The following DZIP1 variants were observed in gnomAD, a reference collection of about 807,000 sequenced individuals.
The protein encoded by DZIP1 is DAZ interacting zinc finger protein 1.
A neutral mutation model predicts 107.6 loss-of-function variants in DZIP1; 97 were observed. The ratio of observed to expected loss-of-function variants is 0.90; its 90% CI spans 0.77 to 1.07. The LOEUF (loss-of-function observed/expected upper bound fraction) is 1.07. Ranked by LOEUF, DZIP1 falls within the 50% of genes least tolerant of loss-of-function variation. The pLI is 0.00. For missense variants in DZIP1, 1,035 were observed against 1,063.6 expected (o/e 0.97, Z 0.37); for synonymous variants, 390 against 386.4 (o/e 1.01, Z -0.11).
At chr13:95,631,834 C>T (rs1184362520) in intron 6 of DZIP1, among the ~76,000 whole-genome samples, 2 of 152,176 alleles carry the variant, frequency 1.3e-5, no homozygotes, top group African/African-American at 4.8e-5. Context: ...ACCACTCCCT[C>T]ATGATACTCA....
At position 95,644,164 on chromosome 13, in the gene DZIP1, C is replaced by T. The variant is rs536458601; in HGVS notation, c.-526+213G>A. On this transcript the variant is annotated intron_variant, in intron 1 of 22. Coordinates refer to ENST00000376829, the MANE Select transcript of DZIP1 (RefSeq NM_198968.4). ...TGGCACCGCCGGGCAGCCGAACCAG[C>T]AGACAAAAGCCGAGAGACGCGGGTT... 1.4e-4 allele frequency among the ~76,000 whole-genome samples: 22 copies of T among 152,344 alleles called. No homozygotes were observed. In the South Asian group the frequency reaches 4.6e-3, roughly 32 times the overall value.
intron 5 of DZIP1, among the ~76,000 whole-genome samples, chr13:95,635,948 G>GGGAAAGAGGGAA (rs922558532): frequency 1.3e-5 from 2 of 151,458 alleles, no homozygotes; most frequent in African/African-American, 4.9e-5. Context: ...GAGGTAGGGA[G>GGGAAAGAGGGAA]GGAAAGAGGG....
chr13:95,642,351 T>A, intron 3 of DZIP1, 110 bp from the exon 4 acceptor site: 1 of 315,540 alleles, frequency 3.2e-6, no homozygotes, highest in Non-Finnish European at 5.7e-6. Context: ...TCCCTGGCGT[T>A]TGGGGCTGGA....
intron 5 of DZIP1, among the ~76,000 whole-genome samples, chr13:95,638,922 AT>A (rs1169737468): frequency 7.2e-5 from 11 of 152,278 alleles, no homozygotes; most frequent in Admixed American, 3.9e-4. Context: ...TAGGCTTTGG[AT>A]TTTCTGTATA....
chr13:95,621,519 G>A (rs1875842626), intron 9 of DZIP1, among the ~76,000 whole-genome samples: 1 of 152,044 alleles, frequency 6.6e-6, no homozygotes, highest in Non-Finnish European at 1.5e-5. Context: ...AATGACCCAG[G>A]CTTTTAAAAA....
chr13:95,632,050 C>A (rs1877259826), intron 6 of DZIP1, among the ~76,000 whole-genome samples: 1 of 152,214 alleles, frequency 6.6e-6, no homozygotes, highest in Non-Finnish European at 1.5e-5. Context: ...CCCCAGGTTT[C>A]CCTCCAGCTT....
rs3051402 is a variant in DZIP1, at chr13:95,621,665, AGTGTGTGTGTGTGT to A, written c.1110+664_1110+677del. 1.4e-3 allele frequency among the ~76,000 whole-genome samples: 173 copies of A among 123,414 alleles called. 1 individual carries two copies. The highest frequency in any genetic ancestry group is 7.0e-3 in the South Asian group (21 of 3,000). The allele number at this position is 123,414 out of a possible 152,430, so 81.0% of individuals were successfully genotyped here. A position where few individuals can be genotyped will look rare whatever the true frequency, so the allele number is the denominator to read the frequency against. ...ACAGATCATCAGCTGACCAGTTAGCAGTGTGTGTGTGTGTGTGTGTGTGTGTGTGTGTGTGTGTG... is the reference window on the plus strand; with the variant it reads ...ACAGATCATCAGCTGACCAGTTAGCAGTGTGTGTGTGTGTGTGTGTGTGTG... On this transcript the variant is annotated intron_variant, in intron 9 of 22. Transcript: ENST00000376829.
In DZIP1 at chr13:95,582,323, G is replaced by T; in HGVS notation, c.2525-10C>A. 6.2e-7 allele frequency: 1 copy of T among 1,613,228 alleles called. No homozygotes were observed. Among genetic ancestry groups the T allele is most frequent in the African/African-American group, 1.3e-5 (1 of 75,014 alleles). On this transcript the variant is annotated splice_polypyrimidine_tract_variant and intron_variant, in intron 22 of 22. Transcript: ENST00000376829. ...TCATTTTCTTGAAGTCCTGTAAGTG[G>T]TGGGTAGAGGCAGAAGAGAAGGCCT...
At position 95,611,437 on chromosome 13, in the gene DZIP1, C is replaced by T; in HGVS notation, c.1363+8G>A. On this transcript the variant is annotated splice_region_variant and intron_variant, in intron 12 of 22. Transcript: ENST00000376829. The stretch of plus-strand genomic sequence containing the variant: ...CTTGCCGCCAGTACCGGGATCCCAT[C>T]CACTTACCTTTGGGTTCACTGATAC... The T allele has an allele frequency of 6.2e-7, 1 of 1,612,782 alleles. No individual in the cohort carries two copies. The highest frequency in any genetic ancestry group is 8.5e-7 in the Non-Finnish European group (1 of 1,178,924).
At position 95,643,680 on chromosome 13, in the gene DZIP1, A is replaced by G. The variant is rs1878785143; in HGVS notation, c.-507T>C. 1 of 152,690 alleles carries G rather than the reference A, an allele frequency of 6.5e-6. No homozygotes were observed. The highest frequency in any genetic ancestry group is 2.4e-5 in the African/African-American group (1 of 41,444). 9.5% of individuals were successfully genotyped at this position (152,690 alleles called of 1,614,324 possible). ...ACAAGAGCTGTGGTCTCTCTTGCTC[A>G]AGTATACGTCCCTAGAACCTAGCAG... On this transcript the variant is annotated 5_prime_UTR_variant, in exon 2 of 23. Coordinates refer to ENST00000376829, the MANE Select transcript of DZIP1 (RefSeq NM_198968.4).
intron 6 of DZIP1, chr13:95,630,898 A>G (rs1877116792): frequency 2.4e-6 from 1 of 417,708 alleles, no homozygotes; most frequent in African/African-American, 2.1e-5. Context: ...CAGAAGAGAA[A>G]GAAGGTCAGT....
chr13:95,612,324 G>T, intron 10 of DZIP1, 147 bp from the exon 11 acceptor site: 2 of 925,900 alleles, frequency 2.2e-6, no homozygotes, highest in South Asian at 1.8e-5. Flanking sequence ...TTTGATCATG[G>T]TATATCCTGG....
rs912491838 is a variant in DZIP1 at position 95,578,810 on chromosome 13, T to G, written c.*3424A>C. On this transcript the variant is annotated 3_prime_UTR_variant, in exon 23 of 23. Coordinates refer to ENST00000376829, the MANE Select transcript of DZIP1 (RefSeq NM_198968.4). Reference sequence around the variant, plus strand: ...ACTCATGTACATATTTAGCAAATTTTGGTTTCTTACATGTGCCTGTCATGA... The same window carrying G: ...ACTCATGTACATATTTAGCAAATTTGGGTTTCTTACATGTGCCTGTCATGA... The G allele has an allele frequency of 1.3e-5, 2 of 152,218 alleles. No homozygotes were observed. The highest frequency in any genetic ancestry group is 6.5e-5 in the Admixed American group (1 of 15,282). 9.4% of individuals were successfully genotyped at this position (152,218 alleles called of 1,614,324 possible). A position where few individuals can be genotyped will look rare whatever the true frequency, so the allele number is the denominator to read the frequency against.
intron 12 of DZIP1, among the ~76,000 whole-genome samples, chr13:95,610,101 T>TGAGA (rs1328298989): frequency 2.4e-5 from 3 of 125,508 alleles, no homozygotes; most frequent in African/African-American, 7.5e-5. Context: ...TGTGTGTGTG[T>TGAGA]GTGTGTGTGT....
In DZIP1 at chr13:95,586,139, A is replaced by G. The variant is rs778974996; in HGVS notation, c.2219-3T>C. ...AGTAGGTGTTTTAACGGCGACTCCTATAAGATCAATAAAAATTAGGCAAGT... is the reference window on the plus strand; with the variant it reads ...AGTAGGTGTTTTAACGGCGACTCCTGTAAGATCAATAAAAATTAGGCAAGT... On this transcript the variant is annotated splice_polypyrimidine_tract_variant and splice_region_variant and intron_variant, in intron 20 of 22. Transcript: ENST00000376829. The G allele has an allele frequency of 6.3e-6, 10 of 1,584,470 alleles. No homozygotes were observed. The highest frequency in any genetic ancestry group is 7.7e-6 in the Non-Finnish European group (9 of 1,171,238).
At chr13:95,587,491 A>G (rs762313730) in intron 20 of DZIP1, 48 bp downstream of exon 20, 10 of 1,591,722 alleles carry the variant, frequency 6.3e-6, no homozygotes, top group Non-Finnish European at 8.6e-6. Flanking sequence ...GGTGAGGACA[A>G]CTGTCCTAAA....
intron 16 of DZIP1, among the ~76,000 whole-genome samples, chr13:95,591,185 C>T (rs1019090193): frequency 1.3e-5 from 2 of 151,962 alleles, no homozygotes; most frequent in South Asian, 2.1e-4. Context: ...CCCGCCACCA[C>T]GCCCAGCTAA....
At chr13:95,594,195 G>T in intron 15 of DZIP1, 109 bp from the exon 16 acceptor site, 1 of 902,170 alleles carries the variant, frequency 1.1e-6, no homozygotes, top group Non-Finnish European at 1.6e-6. Context: ...GTAAGTATTT[G>T]TGATGTTTTA....
At chr13:95,622,309 G>A in intron 9 of DZIP1, 34 bp downstream of exon 9, 1 of 1,613,222 alleles carries the variant, frequency 6.2e-7, no homozygotes, top group South Asian at 1.1e-5. Flanking sequence ...AAAAAGGAAG[G>A]CATCCACTGC....
Sources: allele counts gnomAD v4.1 joint callset (sites outside exome capture counted in the v4.1 genomes callset), GRCh38; gene constraint gnomAD v4.1.1; transcripts MANE v1.5; gene names NCBI Gene and HGNC (gene_info 2026-07-23, HGNC 2026-07-21).